HK2: variants seen among roughly 807,000 people sequenced by gnomAD.
The protein encoded by HK2 is hexokinase 2, also known as hexokinase-2.
A neutral mutation model predicts 92.9 loss-of-function variants in HK2; 42 were observed. That is an observed-to-expected ratio of 0.45 (90% CI 0.35 to 0.58). HK2 has a LOEUF of 0.58. Among genes scored for constraint, HK2 ranks in the 20% least tolerant of loss-of-function variants. HK2 has a pLI of 0.00. For missense variants in HK2, 978 were observed against 1,245.1 expected, an observed-to-expected ratio of 0.79 and a Z score of 3.23; for synonymous variants, 422 against 468.0, an observed-to-expected ratio of 0.90 and a Z score of 1.27.
chr2:74,880,057 G>A lies in HK2; in HGVS notation c.1266-208G>A, dbSNP rs990400175. ...AAAGGTCTTTTCCTTTCATTGGCGGGGGTGAACCAATCCTGGGTGGTCATA... is the reference window on the plus strand; with the variant it reads ...AAAGGTCTTTTCCTTTCATTGGCGGAGGTGAACCAATCCTGGGTGGTCATA... On this transcript the variant is annotated intron_variant, in intron 9 of 17. Coordinates refer to ENST00000290573, the MANE Select transcript of HK2 (RefSeq NM_000189.5). Among the ~76,000 whole-genome samples, 9 of 152,198 alleles carry A rather than the reference G, an allele frequency of 5.9e-5. No homozygotes were observed. The South Asian group carries it at 1.7e-3, about 28-fold the overall frequency.
At chr2:74,835,973 C>T (rs1688157033) in intron 1 of HK2, among the ~76,000 whole-genome samples, 1 of 152,116 alleles carries the variant, frequency 6.6e-6, no homozygotes, top group South Asian at 2.1e-4. Context: ...AGAAGTTACC[C>T]AGCCTCAAGT....
chr2:74,842,259 G>C (rs1688330991), intron 1 of HK2, among the ~76,000 whole-genome samples: 1 of 152,084 alleles, frequency 6.6e-6, no homozygotes, highest in Non-Finnish European at 1.5e-5. Context: ...CTTCACAATG[G>C]CACAAAAGTG....
rs756133449 is a variant in HK2 at position 74,890,881 on chromosome 2, G to C, written c.2694G>C (p.Gly898=). ...VSFLQSEDGS[G]KGAALITAVA... is the part of the protein sequence containing the mutation. Reference sequence around the variant, plus strand: ...TCCTGCAGTCAGAGGATGGCAGCGGGAAGGGGGCGGCGCTCATCACTGCTG... The same window carrying C: ...TCCTGCAGTCAGAGGATGGCAGCGGCAAGGGGGCGGCGCTCATCACTGCTG... Residue 898 remains glycine (G), a synonymous_variant, in exon 18 of 18, where the codon GGG becomes GGC. Transcript: ENST00000290573. 9.3e-6 allele frequency: 15 copies of C among 1,614,124 alleles called. No individual in the cohort carries two copies.
intron 12 of HK2, among the ~76,000 whole-genome samples, chr2:74,883,439 G>A (rs1350758899): frequency 2.0e-5 from 3 of 152,192 alleles, no homozygotes; most frequent in Non-Finnish European, 4.4e-5. Context: ...AGGTGAGCAG[G>A]CTGCCCATTG....
intron 12 of HK2, 65 bp downstream of exon 12, chr2:74,882,304 T>C (rs1689417506): frequency 1.2e-6 from 2 of 1,609,364 alleles, no homozygotes; most frequent in Non-Finnish European, 1.7e-6. Context: ...ACCAGCCAGG[T>C]ATGGAGCAGG....
intron 2 of HK2, among the ~76,000 whole-genome samples, chr2:74,864,398 C>A (rs1204610076): frequency 6.6e-6 from 1 of 152,256 alleles, no homozygotes; most frequent in Non-Finnish European, 1.5e-5. Flanking sequence ...GACACCAGAG[C>A]ATGCCACAAA....
At chr2:74,850,594 TCTG>T (rs1432161834) in intron 1 of HK2, among the ~76,000 whole-genome samples, 1 of 152,222 alleles carries the variant, frequency 6.6e-6, no homozygotes, top group Non-Finnish European at 1.5e-5. Flanking sequence ...TGTGTGTACA[TCTG>T]CTATCACCTG....
At chr2:74,867,253 C>T (rs1017631621) in intron 2 of HK2, among the ~76,000 whole-genome samples, 1 of 151,302 alleles carries the variant, frequency 6.6e-6, no homozygotes, top group South Asian at 2.1e-4. Flanking sequence ...GACCATTATT[C>T]TAAGTGAAGT....
intron 1 of HK2, among the ~76,000 whole-genome samples, chr2:74,848,444 A>T (rs1294611536): frequency 6.6e-6 from 1 of 151,880 alleles, no homozygotes; most frequent in Non-Finnish European, 1.5e-5. Context: ...TTGCTGTGCA[A>T]CTACCACCAC....
At chr2:74,838,423 A>T (rs1688221658) in intron 1 of HK2, among the ~76,000 whole-genome samples, 1 of 152,182 alleles carries the variant, frequency 6.6e-6, no homozygotes, top group Admixed American at 6.5e-5. Flanking sequence ...ACCTGAGGCC[A>T]AAGCATGACC....
chr2:74,857,581 G>T (rs1247383497), intron 2 of HK2, among the ~76,000 whole-genome samples: 1 of 152,156 alleles, frequency 6.6e-6, no homozygotes, highest in Non-Finnish European at 1.5e-5. Context: ...GGGAGATGGA[G>T]GTTGCAGTGA....
At chr2:74,873,206 G>A in intron 4 of HK2, 70 bp from the exon 5 acceptor site, 1 of 1,107,102 alleles carries the variant, frequency 9.0e-7, no homozygotes, top group Non-Finnish European at 1.4e-6. Flanking sequence ...TAATGACGGA[G>A]GTTTGAGGGG....
At chr2:74,862,119 C>T (rs145790168) in intron 2 of HK2, among the ~76,000 whole-genome samples, 369 of 152,316 alleles carry the variant, frequency 2.4e-3, no homozygotes, top group Admixed American at 3.5e-3. Flanking sequence ...TTTGAGCTAT[C>T]TCATCATTTC....
In HK2 at chr2:74,884,018, A is replaced by C. The variant is rs75123646; in HGVS notation, c.1840-1476A>C. 7.9e-5 allele frequency among the ~76,000 whole-genome samples: 12 copies of C among 152,342 alleles called. No individual in the cohort carries two copies. The East Asian group carries it at 2.1e-3, about 27-fold the overall frequency. The stretch of plus-strand genomic sequence containing the variant: ...TAAAATACAATTAATGGGATGATAA[A>C]AGCATAACCCTCCAGTGTATATCCT... On this transcript the variant is annotated intron_variant, in intron 12 of 17. Coordinates refer to ENST00000290573, the MANE Select transcript of HK2 (RefSeq NM_000189.5).
rs367956841 is a variant in HK2 at position 74,872,273 on chromosome 2, T to C, written c.376-27T>C. On this transcript the variant is annotated intron_variant, in intron 3 of 17. Transcript: ENST00000290573. ...TCTCTATGCTGTTCGACCTCTCTGC[T>C]CACCACCCTGTGTCATGTATCCTTA... The C allele has an allele frequency of 2.5e-6, 4 of 1,613,480 alleles. No individual in the cohort carries two copies. The African/African-American group carries it at 5.3e-5, about 22-fold the overall frequency.
At chr2:74,840,904 A>AATG (rs869156790) in intron 1 of HK2, among the ~76,000 whole-genome samples, 1 of 113,968 alleles carries the variant, frequency 8.8e-6, no homozygotes, top group Admixed American at 8.6e-5. Context: ...AAAAAAAAAA[A>AATG]GCTGTGGGGG....
chr2:74,839,342 G>A (rs1225937572), intron 1 of HK2, among the ~76,000 whole-genome samples: 4 of 152,146 alleles, frequency 2.6e-5, no homozygotes, highest in African/African-American at 9.7e-5. Context: ...TAGTCCGCAC[G>A]TATGGGATTA....
chr2:74,852,082 A>T (rs746173293), intron 1 of HK2, among the ~76,000 whole-genome samples: 3 of 152,130 alleles, frequency 2.0e-5, no homozygotes, highest in African/African-American at 7.2e-5. Flanking sequence ...GGCACTTCCT[A>T]CCTCAGAGGG....
chr2:74,849,961 T>C (rs1425915472), intron 1 of HK2, among the ~76,000 whole-genome samples: 22 of 152,222 alleles, frequency 1.4e-4, no homozygotes. Flanking sequence ...TCCAGAAACT[T>C]ACATCTCTTA....
Sources: gnomAD v4.1 joint callset for allele counts (sites outside exome capture counted in the v4.1 genomes callset) on GRCh38, gnomAD v4.1.1 for gene constraint, MANE v1.5 for transcripts, NCBI Gene and HGNC (gene_info 2026-07-23, HGNC 2026-07-21) for gene names.